Variants in EXOC5 observed in about 807,000 individuals in gnomAD.
The protein encoded by EXOC5 is SEC10-like 1.
In EXOC5, 17 loss-of-function variants were observed where a neutral mutation model predicts 90.8. The observed-to-expected ratio is 0.19, with a 90% CI of 0.13 to 0.28. The LOEUF (loss-of-function observed/expected upper bound fraction) is 0.28. Ranked by LOEUF, EXOC5 falls within the 10% of genes least tolerant of loss-of-function variation. The pLI is 1.00. For synonymous variants in EXOC5, 260 were observed against 270.0 expected, an observed-to-expected ratio of 0.96 and a Z score of 0.36; for missense variants, 569 against 830.6, an observed-to-expected ratio of 0.69 and a Z score of 3.87.
chr14:57,241,445 T>C (rs1287248144), intron 4 of EXOC5, among the ~76,000 whole-genome samples: 2 of 152,160 alleles, frequency 1.3e-5, no homozygotes, highest in African/African-American at 4.8e-5. Context: ...TAATACCCAC[T>C]TCAGAAATAA....
chr14:57,256,094 A>C (rs983056854), intron 1 of EXOC5, among the ~76,000 whole-genome samples: 3 of 152,162 alleles, frequency 2.0e-5, no homozygotes, highest in Non-Finnish European at 4.4e-5. Flanking sequence ...AGTGTCATTA[A>C]ACTATAACTA....
chr14:57,257,635 G>A (rs1884390128), intron 1 of EXOC5, among the ~76,000 whole-genome samples: 1 of 152,030 alleles, frequency 6.6e-6, no homozygotes, highest in Non-Finnish European at 1.5e-5. Flanking sequence ...CGAGAAGTCA[G>A]CAATTGATCC....
chr14:57,247,114 G>A (rs1884054540), intron 2 of EXOC5, among the ~76,000 whole-genome samples: 1 of 152,042 alleles, frequency 6.6e-6, no homozygotes, highest in Admixed American at 6.6e-5. Flanking sequence ...ATATAGCCAG[G>A]CTTTAACTAT....
intron 1 of EXOC5, among the ~76,000 whole-genome samples, chr14:57,257,780 TAC>T (rs1884394598): frequency 6.6e-6 from 1 of 152,110 alleles, no homozygotes; most frequent in African/African-American, 2.4e-5. Context: ...CAAAGGCGCT[TAC>T]AGTGACAAAA....
chr14:57,210,234 T>C (rs142552906), intron 15 of EXOC5, among the ~76,000 whole-genome samples, 173 bp from the exon 16 acceptor site: 2 of 152,308 alleles, frequency 1.3e-5, no homozygotes, highest in Admixed American at 1.3e-4. Context: ...GGTCTTAATA[T>C]GAAAGAGCTC....
At chr14:57,211,991 C>G (rs1026303035) in intron 15 of EXOC5, among the ~76,000 whole-genome samples, 2 of 152,154 alleles carry the variant, frequency 1.3e-5, no homozygotes, top group African/African-American at 4.8e-5. Context: ...TCCTGAGTAG[C>G]TGGGACTACA....
At chr14:57,255,815 G>C (rs902965593) in intron 1 of EXOC5, among the ~76,000 whole-genome samples, 1 of 147,152 alleles carries the variant, frequency 6.8e-6, no homozygotes, top group Non-Finnish European at 1.5e-5. Context: ...CTGGGCGACT[G>C]AGCAAGACTC....
At chr14:57,244,436 CTAACTAAAGA>C in intron 3 of EXOC5, 77 bp from the exon 4 acceptor site, 1 of 989,748 alleles carries the variant, frequency 1.0e-6, no homozygotes, top group Non-Finnish European at 1.6e-6. Context: ...CTTATTGCTA[CTAACTAAAGA>C]TAACAGAAGT....
chr14:57,225,486 G>C (rs940400168), intron 12 of EXOC5, among the ~76,000 whole-genome samples: 3 of 151,096 alleles, frequency 2.0e-5, no homozygotes, highest in Non-Finnish European at 4.4e-5. Flanking sequence ...AGTACAATAA[G>C]GCAAAATAAC....
chr14:57,247,788 T>C, intron 1 of EXOC5, 76 bp from the exon 2 acceptor site: 1 of 628,934 alleles, frequency 1.6e-6, no homozygotes, highest in Non-Finnish European at 2.6e-6. Context: ...TTAAAACAGC[T>C]TCTACTAGGT....
chr14:57,246,020 A>G (rs896017845), intron 3 of EXOC5, among the ~76,000 whole-genome samples: 1 of 152,030 alleles, frequency 6.6e-6, no homozygotes, highest in African/African-American at 2.4e-5. Context: ...ACTGCACTCC[A>G]GCCTGGGCGA....
At chr14:57,243,318 A>G (rs1254332527) in intron 4 of EXOC5, 1 of 152,230 alleles carries the variant, frequency 6.6e-6, no homozygotes, top group Non-Finnish European at 1.5e-5. Flanking sequence ...AACTCTAAAA[A>G]TTATAAATTC....
chr14:57,205,300 TAGATC>T lies in EXOC5; in HGVS notation c.*3304_*3308del, dbSNP rs1882618328. ...TCTAAAGTATAGAATAATTACAGGA[TAGATC>T]AGAGAGAAATAATACAGAAACTGAA... On this transcript the variant is annotated 3_prime_UTR_variant, in exon 18 of 18. Transcript: ENST00000621441. 1.3e-5 allele frequency: 2 copies of T among 152,662 alleles called. No individual in the cohort carries two copies. Among genetic ancestry groups the T allele is most frequent in the South Asian group, 4.1e-4 (2 of 4,856 alleles). 9.5% of individuals were successfully genotyped at this position (152,662 alleles called of 1,614,324 possible). A position where few individuals can be genotyped will look rare whatever the true frequency, so the allele number is the denominator to read the frequency against.
intron 1 of EXOC5, among the ~76,000 whole-genome samples, chr14:57,248,552 G>C (rs1396380977): frequency 2.0e-5 from 3 of 151,854 alleles, no homozygotes; most frequent in African/African-American, 7.2e-5. Context: ...GGATATTAGA[G>C]AAGGCTCAAT....
At chr14:57,243,503 A>G (rs1220460859) in intron 4 of EXOC5, 2 of 152,250 alleles carry the variant, frequency 1.3e-5, no homozygotes, top group East Asian at 3.8e-4. Context: ...TACAAGATCC[A>G]TAAGAATGTC....
rs1210352827 is a variant in EXOC5 at position 57,235,753 on chromosome 14, G to C, written c.627C>G (p.Ile209Met). ...EFTSAQRRGE[I>M]SRMREVAAVL... ...CTGCTGCTACTTCTCTCATTCTGGA[G>C]ATTTCACCTCTTCTTTGAGCACTGG... The change falls in exon 7 of 18, where the codon ATC becomes ATG. Residue 209 changes from isoleucine (I) to methionine (M), a missense_variant. Physicochemically the swap from Ile to Met is conservative, Grantham distance 10. Coordinates refer to ENST00000621441, the MANE Select transcript of EXOC5 (RefSeq NM_006544.4). 3 of 1,557,078 alleles carry C rather than the reference G, an allele frequency of 1.9e-6. No individual in the cohort carries two copies. Among genetic ancestry groups the C allele is most frequent in the South Asian group, 2.4e-5 (2 of 84,584 alleles).
chr14:57,266,861 C>T (rs1273773724), intron 1 of EXOC5, among the ~76,000 whole-genome samples: 1 of 151,076 alleles, frequency 6.6e-6, no homozygotes, highest in Non-Finnish European at 1.5e-5. Flanking sequence ...AAAAAAAAAT[C>T]AAACATATTT....
intron 15 of EXOC5, among the ~76,000 whole-genome samples, chr14:57,215,097 T>C (rs1882934070): frequency 6.6e-6 from 1 of 151,844 alleles, no homozygotes; most frequent in African/African-American, 2.4e-5. Flanking sequence ...CAGGGTGTGG[T>C]GGTGTGTGCC....
intron 6 of EXOC5, among the ~76,000 whole-genome samples, chr14:57,237,043 T>G (rs1883684579): frequency 6.6e-6 from 1 of 152,028 alleles, no homozygotes; most frequent in Non-Finnish European, 1.5e-5. Context: ...TAAAAATAAA[T>G]GAGGATAGAA....
Sources: allele counts gnomAD v4.1 joint callset (sites outside exome capture counted in the v4.1 genomes callset), GRCh38; gene constraint gnomAD v4.1.1; transcripts MANE v1.5; gene names NCBI Gene and HGNC (gene_info 2026-07-23, HGNC 2026-07-21).